ANO3: variants seen among roughly 807,000 people sequenced by gnomAD.
The protein encoded by ANO3 is anoctamin-3.
ANO3 carries 99 observed loss-of-function variants against 144.8 expected under a neutral mutation model. That is an observed-to-expected ratio of 0.68 (90% CI 0.58 to 0.81). The LOEUF (loss-of-function observed/expected upper bound fraction) is 0.81. Among genes scored for constraint, ANO3 ranks in the 30% least tolerant of loss-of-function variants. The pLI is 0.00. For missense variants in ANO3, 905 were observed against 1,202.2 expected (o/e 0.75, Z 3.66); for synonymous variants, 414 against 392.6 (o/e 1.05, Z -0.64).
chr11:26,275,531 T>C (rs1196501328), intron 1 of ANO3, among the ~76,000 whole-genome samples: 1 of 152,136 alleles, frequency 6.6e-6, no homozygotes, highest in African/African-American at 2.4e-5. Flanking sequence ...AAGCAATCCA[T>C]TAAAATGGAT....
chr11:26,577,339 G>A (rs920575455), intron 14 of ANO3, among the ~76,000 whole-genome samples: 10 of 151,944 alleles, frequency 6.6e-5, no homozygotes, highest in Non-Finnish European at 1.3e-4. Context: ...TGCGGTGGGC[G>A]GATCACCTGA....
chr11:26,234,293 C>T (rs920792173), intron 1 of ANO3, among the ~76,000 whole-genome samples: 1 of 152,076 alleles, frequency 6.6e-6, no homozygotes, highest in Non-Finnish European at 1.5e-5. Flanking sequence ...TAAACTATTA[C>T]AAAGATTTAG....
intron 1 of ANO3, among the ~76,000 whole-genome samples, chr11:26,418,577 C>A (rs1159240620): frequency 6.6e-6 from 1 of 152,054 alleles, no homozygotes; most frequent in Non-Finnish European, 1.5e-5. Context: ...TTGCTGCTTG[C>A]CAGAAATACT....
chr11:26,443,005 C>T (rs1858576146), intron 2 of ANO3, among the ~76,000 whole-genome samples: 1 of 152,110 alleles, frequency 6.6e-6, no homozygotes, highest in African/African-American at 2.4e-5. Flanking sequence ...ACCTTGTGAT[C>T]CACCTGCCTC....
chr11:26,281,095 A>G (rs1463832393), intron 1 of ANO3, among the ~76,000 whole-genome samples: 5 of 152,316 alleles, frequency 3.3e-5, no homozygotes, highest in African/African-American at 1.2e-4. Flanking sequence ...ATAGTGTCTC[A>G]CTTAATTCTT....
In ANO3 at chr11:26,634,343, C is replaced by T. The variant is rs149131975; in HGVS notation, c.1985+28C>T. The stretch of plus-strand genomic sequence containing the variant: ...AAGTCAACTTTTTGTACATTATCTT[C>T]GCAGAGTGAAAAACACAGTCAATAG... On this transcript the variant is annotated intron_variant, in intron 19 of 26. Transcript: ENST00000256737. 5,683 of 1,411,742 alleles carry T rather than the reference C, an allele frequency of 4.0e-3. 29 individuals are homozygous for T. The highest frequency in any genetic ancestry group is 4.3e-3 in the Non-Finnish European group (4,306 of 998,082). 87.5% of individuals were successfully genotyped at this position (1,411,742 alleles called of 1,614,324 possible).
rs1156447211 is a variant in ANO3, at chr11:26,599,634, T to G, written c.1756T>G (p.Phe586Val). ...ACAGTTTGCATCATTCAAGTGGAAT[T>G]TCATCAAACAATACTGGCAGTTTGC... ...MEQFASFKWN[F>V]IKQYWQFATS... The change falls in exon 17 of 27, where the codon TTC (phenylalanine) becomes GTC (valine). Residue 586 changes from phenylalanine (F) to valine (V), a missense_variant. Physicochemically the swap from Phe to Val is conservative, Grantham distance 50. Around this residue, in one of 4 missense-constraint regions of ANO3, gnomAD observed 597 missense variants for 865.1 expected, o/e 0.69. Coordinates refer to ENST00000256737, the MANE Select transcript of ANO3 (RefSeq NM_031418.4). 3 of 1,614,136 alleles carry G rather than the reference T, an allele frequency of 1.9e-6. No individual in the cohort carries two copies. The African/African-American group carries it at 4.0e-5, about 22-fold the overall frequency.
At chr11:26,501,246 T>C (rs1125621) in intron 4 of ANO3, among the ~76,000 whole-genome samples, 91,026 of 151,974 alleles carry the variant, frequency 0.6, 27,953 homozygotes, top group East Asian at 0.68. Flanking sequence ...AGAGGCAACA[T>C]AACCAAGGAA....
intron 17 of ANO3, among the ~76,000 whole-genome samples, chr11:26,608,862 G>T (rs187746072): frequency 1.9e-4 from 29 of 152,296 alleles, no homozygotes; most frequent in Admixed American, 1.8e-3. Flanking sequence ...TGCCCAGGTA[G>T]CTTAGTGTGT....
At chr11:26,273,266 C>T (rs953750522) in intron 1 of ANO3, among the ~76,000 whole-genome samples, 1 of 148,988 alleles carries the variant, frequency 6.7e-6, no homozygotes, top group Non-Finnish European at 1.5e-5. Context: ...ATGCCCTGAC[C>T]AGCCAGAGCC....
intron 1 of ANO3, among the ~76,000 whole-genome samples, chr11:26,283,308 A>G (rs1564947681): frequency 1.2e-5 from 1 of 83,072 alleles, no homozygotes. Flanking sequence ...TTACCAAAAT[A>G]AACAAATAAA....
intron 1 of ANO3, among the ~76,000 whole-genome samples, chr11:26,398,152 G>A (rs1824565): frequency 0.12 from 18,170 of 152,096 alleles, 1,715 homozygotes; most frequent in African/African-American, 0.27. Context: ...CCAGGTGGCA[G>A]CTCAGATTTA....
intron 18 of ANO3, among the ~76,000 whole-genome samples, chr11:26,630,262 G>C (rs147894791): frequency 1.3e-5 from 2 of 152,274 alleles, no homozygotes; most frequent in Admixed American, 1.3e-4. Flanking sequence ...GTAAAAACCA[G>C]AGTTTAAAAC....
At chr11:26,620,504 A>C (rs1852383578) in intron 17 of ANO3, among the ~76,000 whole-genome samples, 1 of 151,962 alleles carries the variant, frequency 6.6e-6, no homozygotes, top group Admixed American at 6.6e-5. Flanking sequence ...TTAAACTAAA[A>C]TTAAAACTTT....
At chr11:26,565,020 A>G (rs1255607823) in intron 14 of ANO3, 1 of 743,874 alleles carries the variant, frequency 1.3e-6, no homozygotes, top group Non-Finnish European at 2.0e-6. Flanking sequence ...AGTGACTATA[A>G]TGATCATCCC....
At chr11:26,603,073 A>G (rs1178485814) in intron 17 of ANO3, among the ~76,000 whole-genome samples, 1 of 152,220 alleles carries the variant, frequency 6.6e-6, no homozygotes, top group Non-Finnish European at 1.5e-5. Context: ...TTTTAAATAA[A>G]AAGATAATTA....
rs570955638 is a variant in ANO3 at position 26,209,446 on chromosome 11, A to G, written c.154+20116A>G. 8.5e-5 allele frequency among the ~76,000 whole-genome samples: 13 copies of G among 152,344 alleles called. 1 individual carries two copies. In the South Asian group the frequency reaches 1.9e-3, roughly 22 times the overall value. On this transcript the variant is annotated intron_variant, in intron 1 of 27. Transcript: ENST00000672621. ...CTTTGCTATTGTGAACAGTGCTGCA[A>G]TAAACATATGTGTGCATGTGTCTTT...
At chr11:26,230,793 T>A (rs1852375303) in intron 1 of ANO3, among the ~76,000 whole-genome samples, 1 of 49,164 alleles carries the variant, frequency 2.0e-5, no homozygotes, top group Non-Finnish European at 3.4e-5. Context: ...CATGACTCCA[T>A]CTCCAAAAAA....
chr11:26,520,375 A>T (rs901909022), intron 6 of ANO3, among the ~76,000 whole-genome samples: 11 of 152,178 alleles, frequency 7.2e-5, no homozygotes, highest in Admixed American at 3.9e-4. Flanking sequence ...AAAAATGAAA[A>T]AGGGGGGGAA....
Sources: allele counts gnomAD v4.1 joint callset (sites outside exome capture counted in the v4.1 genomes callset), GRCh38; gene constraint gnomAD v4.1.1; regional missense constraint gnomAD v4.1.1; transcripts MANE v1.5; gene names NCBI Gene and HGNC (gene_info 2026-07-23, HGNC 2026-07-21).